Variants in KLF8 observed in about 807,000 individuals in gnomAD.
KLF8 encodes Krueppel-like factor 8.
A neutral mutation model predicts 18.2 loss-of-function variants in KLF8; 10 were observed. That is an observed-to-expected ratio of 0.55 (90% confidence interval 0.34 to 0.93). The LOEUF (loss-of-function observed/expected upper bound fraction) is 0.93. KLF8 is among the 40% of genes least tolerant of loss of function. The pLI, the probability that KLF8 is intolerant of heterozygous loss-of-function variation, is 0.02. For missense variants in KLF8, 264 were observed against 277.9 expected (o/e 0.95, Z 0.36); for synonymous variants, 109 against 97.3 (o/e 1.12, Z -0.71).
At chrX:56,114,907 C>T in the KLF8 span, among the ~76,000 whole-genome samples, 1 of 112,082 alleles carries the variant, frequency 8.9e-6, no homozygotes, top group African/African-American at 3.2e-5. Context: ...ACTTTTTACT[C>T]ACTACGCTGA....
the KLF8 span, among the ~76,000 whole-genome samples, chrX:55,909,149 T>G: frequency 1.8e-5 from 2 of 112,256 alleles, no homozygotes; most frequent in Non-Finnish European, 3.8e-5. Flanking sequence ...GAGGGCTCCA[T>G]CTTGCCTGGC....
At chrX:56,019,502 G>A in the KLF8 span, among the ~76,000 whole-genome samples, 6 of 112,524 alleles carry the variant, frequency 5.3e-5, no homozygotes, top group Admixed American at 9.4e-5. Context: ...CTTGCTCTAT[G>A]CAGCAAACTC....
the KLF8 span, among the ~76,000 whole-genome samples, chrX:56,143,048 A>G: frequency 9.0e-6 from 1 of 111,448 alleles, no homozygotes. Context: ...ATGCACAATA[A>G]AAGTCAAAGC....
chrX:55,938,571 C>A, the KLF8 span, among the ~76,000 whole-genome samples: 1 of 111,292 alleles, frequency 9.0e-6, no homozygotes, highest in Non-Finnish European at 1.9e-5. Flanking sequence ...TTAAAAGACA[C>A]AGACTGGCAA....
chrX:56,118,108 T>C, the KLF8 span, among the ~76,000 whole-genome samples: 3 of 111,298 alleles, frequency 2.7e-5, no homozygotes, highest in Middle Eastern at 9.4e-3. Context: ...GCTTGGGACT[T>C]AGGATTTCAA....
At chrX:55,918,819 C>A in the KLF8 span, among the ~76,000 whole-genome samples, 4 of 111,475 alleles carry the variant, frequency 3.6e-5, no homozygotes, top group African/African-American at 1.3e-4. Context: ...TGAATTAGGG[C>A]CACCTTAATG....
chrX:56,119,970 T>C, the KLF8 span, among the ~76,000 whole-genome samples: 1 of 107,242 alleles, frequency 9.3e-6, no homozygotes. Flanking sequence ...CCTTTTACAC[T>C]AGCGGAGGGT....
At chrX:56,153,177 G>A in the KLF8 span, among the ~76,000 whole-genome samples, 34 of 110,499 alleles carry the variant, frequency 3.1e-4, no homozygotes, top group Non-Finnish European at 5.9e-4. Flanking sequence ...GAAAAATATT[G>A]CATTTCCCAA....
the KLF8 span, chrX:55,961,423 C>G: frequency 3.8e-6 from 2 of 530,136 alleles, no homozygotes; most frequent in Non-Finnish European, 7.0e-6. Context: ...TAATGGAAAG[C>G]CTTACATGCT....
the KLF8 span, among the ~76,000 whole-genome samples, chrX:56,100,094 T>C: frequency 9.0e-6 from 1 of 111,305 alleles, no homozygotes; most frequent in South Asian, 3.8e-4. Flanking sequence ...AATGTCTTCT[T>C]AGGGGCTACT....
chrX:56,247,156 T>C lies in KLF8; in HGVS notation c.8-3075T>C, dbSNP rs146335813. Among the ~76,000 whole-genome samples the C allele has an allele frequency of 6.0e-3, 674 of 112,218 alleles. 4 individuals carry two copies. The highest frequency in any genetic ancestry group is 9.6e-3 in the Non-Finnish European group (513 of 53,169). On this transcript the variant is annotated intron_variant, in intron 1 of 5. Transcript: ENST00000468660. The stretch of plus-strand genomic sequence containing the variant: ...ATAATCTACTACAACCTAGGCTATA[T>C]GGTATAGCTTATTGCTCCTAGGCTA...
At chrX:56,047,939 C>A in the KLF8 span, among the ~76,000 whole-genome samples, 1 of 111,795 alleles carries the variant, frequency 8.9e-6, no homozygotes, top group African/African-American at 3.3e-5. Flanking sequence ...ACTTTACTGA[C>A]TTTTTAATGA....
chrX:56,174,182 A>G, the KLF8 span, among the ~76,000 whole-genome samples: 2 of 111,915 alleles, frequency 1.8e-5, no homozygotes, highest in African/African-American at 6.5e-5. Flanking sequence ...TGAGTTTTCA[A>G]AAGGAATGCT....
intron 2 of KLF8, among the ~76,000 whole-genome samples, chrX:56,258,219 T>C (rs1011561825): frequency 8.9e-6 from 1 of 112,606 alleles, no homozygotes. Flanking sequence ...TCTATTGTAC[T>C]TGTAATAAAA....
chrX:56,158,936 G>A, the KLF8 span, among the ~76,000 whole-genome samples: 1 of 111,601 alleles, frequency 9.0e-6, no homozygotes, highest in East Asian at 2.8e-4. Context: ...GAATAGGAGT[G>A]GTGAGAGAGG....
At chrX:55,960,864 T>G in the KLF8 span, among the ~76,000 whole-genome samples, 15 of 111,548 alleles carry the variant, frequency 1.3e-4, no homozygotes, top group African/African-American at 4.9e-4. Context: ...TACAGTGGCT[T>G]AATGCCCAAC....
the KLF8 span, among the ~76,000 whole-genome samples, chrX:55,966,423 C>T: frequency 1.8e-5 from 2 of 112,038 alleles, no homozygotes; most frequent in Non-Finnish European, 3.8e-5. Flanking sequence ...GAGAGAGAGA[C>T]TCTATTTGGA....
the KLF8 span, among the ~76,000 whole-genome samples, chrX:56,142,764 C>T: frequency 9.0e-6 from 1 of 111,622 alleles, no homozygotes; most frequent in Non-Finnish European, 1.9e-5. Context: ...TTTCATTTGG[C>T]AAGGCCCAAA....
chrX:56,184,674 A>G, the KLF8 span, among the ~76,000 whole-genome samples: 1 of 111,546 alleles, frequency 9.0e-6, no homozygotes, highest in African/African-American at 3.3e-5. Context: ...CTCTGAGACA[A>G]AATTTCCAGA....
Sources: gnomAD v4.1 joint callset for allele counts (sites outside exome capture counted in the v4.1 genomes callset) on GRCh38, gnomAD v4.1.1 for gene constraint, MANE v1.5 for transcripts, NCBI Gene and HGNC (gene_info 2026-07-23, HGNC 2026-07-21) for gene names.